PTPRT: variants seen among roughly 807,000 people sequenced by gnomAD.
PTPRT encodes the protein receptor-type tyrosine-protein phosphatase T.
A neutral mutation model predicts 176.8 loss-of-function variants in PTPRT; 56 were observed. The observed-to-expected ratio is 0.32, with a 90% CI of 0.26 to 0.40. The LOEUF (loss-of-function observed/expected upper bound fraction) is 0.40. PTPRT is among the 10% of genes least tolerant of loss of function. The probability of loss-of-function intolerance (pLI) is 1.00; values close to 1 mark genes in which losing one functional copy is unlikely to be tolerated. For synonymous variants in PTPRT, 783 were observed against 739.0 expected, an observed-to-expected ratio of 1.06 and a Z score of -0.96; for missense variants, 1,540 against 1,908.2, an observed-to-expected ratio of 0.81 and a Z score of 3.60.
chr20:42,303,150 T>C (rs979172215), intron 12 of PTPRT, among the ~76,000 whole-genome samples: 3 of 152,226 alleles, frequency 2.0e-5, no homozygotes, highest in African/African-American at 7.2e-5. Flanking sequence ...CATGCTTCCC[T>C]GCGCAGCTCT....
intron 1 of PTPRT, among the ~76,000 whole-genome samples, chr20:43,180,453 T>C (rs1044638922): frequency 3.2e-5 from 4 of 126,662 alleles, no homozygotes; most frequent in African/African-American, 1.0e-4. Context: ...GAGGGATATA[T>C]ATATATATAC....
At chr20:42,115,055 A>G (rs1987198999) in intron 22 of PTPRT, 144 bp downstream of exon 22, 2 of 617,734 alleles carry the variant, frequency 3.2e-6, no homozygotes, top group East Asian at 2.7e-5. Context: ...AGCAGGACCC[A>G]TGTCTGCCCT....
chr20:42,253,729 G>A (rs2056588022), intron 13 of PTPRT, among the ~76,000 whole-genome samples: 4 of 152,124 alleles, frequency 2.6e-5, no homozygotes, highest in Admixed American at 2.6e-4. Context: ...ATAATCTTGT[G>A]AACTCAGCTT....
chr20:42,037,877 C>T, the PTPRT span, among the ~76,000 whole-genome samples: 2 of 152,152 alleles, frequency 1.3e-5, no homozygotes, highest in Non-Finnish European at 2.9e-5. Context: ...TGCTGTGCAC[C>T]AGGCCTGATG....
At chr20:42,270,866 C>A (rs1292241943) in intron 13 of PTPRT, among the ~76,000 whole-genome samples, 1 of 152,142 alleles carries the variant, frequency 6.6e-6, no homozygotes, top group East Asian at 1.9e-4. Flanking sequence ...TGGGAGCCCT[C>A]CTTTTTTCTG....
intron 13 of PTPRT, among the ~76,000 whole-genome samples, chr20:42,260,244 T>G (rs1284726932): frequency 6.6e-6 from 1 of 152,170 alleles, no homozygotes; most frequent in Non-Finnish European, 1.5e-5. Context: ...TCAGTGGCCT[T>G]CTCTTTTCCC....
chr20:43,093,605 C>T (rs2011979023), intron 1 of PTPRT, among the ~76,000 whole-genome samples: 1 of 152,222 alleles, frequency 6.6e-6, no homozygotes, highest in African/African-American at 2.4e-5. Flanking sequence ...TTCCACATCC[C>T]TCTGATCTAT....
At chr20:42,760,147 G>A (rs2076893900) in intron 5 of PTPRT, among the ~76,000 whole-genome samples, 2 of 152,164 alleles carry the variant, frequency 1.3e-5, no homozygotes, top group African/African-American at 2.4e-5. Flanking sequence ...TTACTTGACG[G>A]AGGGCAGCTC....
intron 7 of PTPRT, among the ~76,000 whole-genome samples, chr20:42,489,595 T>C (rs937456082): frequency 6.6e-6 from 1 of 152,134 alleles, no homozygotes; most frequent in African/African-American, 2.4e-5. Context: ...TCTTAGAAAA[T>C]GCATCCTATT....
At chr20:43,144,636 A>G (rs1288983769) in intron 1 of PTPRT, among the ~76,000 whole-genome samples, 1 of 152,186 alleles carries the variant, frequency 6.6e-6, no homozygotes, top group Non-Finnish European at 1.5e-5. Context: ...AGCGACAGAA[A>G]GGAGGTTAAC....
chr20:42,396,253 C>A (rs546994061), intron 9 of PTPRT, among the ~76,000 whole-genome samples: 1 of 152,232 alleles, frequency 6.6e-6, no homozygotes, highest in Admixed American at 6.5e-5. Context: ...TTTCACATCC[C>A]AAACCTACTT....
intron 16 of PTPRT, 69 bp from the exon 17 acceptor site, chr20:42,161,611 C>G: frequency 2.0e-6 from 3 of 1,499,548 alleles, no homozygotes; most frequent in Non-Finnish European, 1.8e-6. Flanking sequence ...CCCTGTCTCC[C>G]CCAGCTTGGC....
At chr20:42,691,722 A>G (rs1012080197) in intron 6 of PTPRT, among the ~76,000 whole-genome samples, 1 of 152,112 alleles carries the variant, frequency 6.6e-6, no homozygotes, top group Non-Finnish European at 1.5e-5. Context: ...TTGGGAAAGG[A>G]CTTCGAAACA....
chr20:43,061,657 C>T (rs1987467810), intron 1 of PTPRT, among the ~76,000 whole-genome samples: 2 of 152,180 alleles, frequency 1.3e-5, no homozygotes, highest in South Asian at 4.1e-4. Context: ...TAGCACTGTT[C>T]TAGATACAAC....
intron 13 of PTPRT, among the ~76,000 whole-genome samples, chr20:42,274,601 AAAG>A (rs1275263075): frequency 7.9e-6 from 1 of 127,356 alleles, no homozygotes; most frequent in African/African-American, 3.8e-5. Flanking sequence ...GTTAGCCTGC[AAAG>A]AAGGAGCTCA....
chr20:42,223,578 G>A (rs536434008), intron 15 of PTPRT, among the ~76,000 whole-genome samples: 10 of 152,252 alleles, frequency 6.6e-5, no homozygotes, highest in African/African-American at 2.4e-4. Context: ...TACATGGCTG[G>A]AAAACACATC....
chr20:42,300,352 C>T (rs138999377), intron 12 of PTPRT, among the ~76,000 whole-genome samples: 40 of 151,544 alleles, frequency 2.6e-4, no homozygotes, highest in African/African-American at 9.4e-4. Flanking sequence ...GTGGTACTCA[C>T]TAACAATGAT....
rs1983041390 is a variant in PTPRT at position 42,078,912 on chromosome 20, A to C, written c.*1967T>G. On this transcript the variant is annotated 3_prime_UTR_variant, in exon 31 of 31. Transcript: ENST00000373187. ...TCCTAGGCTCATGGAACACTCATCC[A>C]CTCCACACTACTGCACCATGGTTCC... 5.7e-6 allele frequency: 1 copy of C among 175,328 alleles called. No homozygotes were observed. Among genetic ancestry groups the C allele is most frequent in the South Asian group, 2.0e-4 (1 of 4,998 alleles). 10.9% of individuals were successfully genotyped at this position (175,328 alleles called of 1,614,324 possible).
intron 6 of PTPRT, among the ~76,000 whole-genome samples, chr20:42,697,737 T>C (rs541252147): frequency 1.3e-5 from 2 of 152,304 alleles, no homozygotes; most frequent in East Asian, 1.9e-4. Flanking sequence ...ATGTACACAA[T>C]AAAATGAGAA....
Sources: gnomAD v4.1 joint callset for allele counts (sites outside exome capture counted in the v4.1 genomes callset) on GRCh38, gnomAD v4.1.1 for gene constraint, MANE v1.5 for transcripts, NCBI Gene and HGNC (gene_info 2026-07-23, HGNC 2026-07-21) for gene names.